AGAP1: variants seen among roughly 807,000 people sequenced by gnomAD.
The protein encoded by AGAP1 is ArfGAP with GTPase domain, ankyrin repeat and PH domain 1.
AGAP1 carries 29 observed loss-of-function variants against 105.3 expected under a neutral mutation model. That is an observed-to-expected ratio of 0.28 (90% CI 0.21 to 0.38). The LOEUF (loss-of-function observed/expected upper bound fraction) is 0.38, where lower values mean the gene tolerates loss of function less well. AGAP1 is among the 10% of genes least tolerant of loss of function. The pLI is 1.00. For missense variants in AGAP1, 998 were observed against 1,165.1 expected (o/e 0.86, Z 2.09); for synonymous variants, 509 against 485.9 (o/e 1.05, Z -0.63).
At chr2:235,857,603 C>T (rs759372342) in intron 9 of AGAP1, among the ~76,000 whole-genome samples, 1 of 152,166 alleles carries the variant, frequency 6.6e-6, no homozygotes, top group Non-Finnish European at 1.5e-5. Context: ...GGATGCATTG[C>T]ATGTCACATG....
rs542428153 is a variant in AGAP1 at position 235,824,001 on chromosome 2, A to G, written c.1050+16670A>G. Reference sequence around the variant, plus strand: ...AGAGGCAAAGATAAGATTCAAACCCAGGTCTGCCTATCCTAAAACCAGTGG... The same window carrying G: ...AGAGGCAAAGATAAGATTCAAACCCGGGTCTGCCTATCCTAAAACCAGTGG... On this transcript the variant is annotated intron_variant, in intron 9 of 17. Coordinates refer to ENST00000304032, the MANE Select transcript of AGAP1 (RefSeq NM_001037131.3). This position sits in a 1 kb window ranked among gnomAD's most constrained non-coding sequence, Gnocchi z 5.2. 6.6e-6 allele frequency among the ~76,000 whole-genome samples: 1 copy of G among 152,358 alleles called. No individual in the cohort carries two copies. The highest frequency in any genetic ancestry group is 1.5e-5 in the Non-Finnish European group (1 of 68,022).
intron 6 of AGAP1, among the ~76,000 whole-genome samples, chr2:235,773,381 A>G (rs1269038896): frequency 6.6e-6 from 1 of 152,216 alleles, no homozygotes; most frequent in African/African-American, 2.4e-5. Context: ...AAAGCAACCA[A>G]TCAAAGGCTG....
chr2:236,058,987 AC>A lies in AGAP1; in HGVS notation c.2114+9708del, dbSNP rs948955287. 3.3e-5 allele frequency among the ~76,000 whole-genome samples: 5 copies of A among 152,058 alleles called. No homozygotes were observed. Among genetic ancestry groups the A allele is most frequent in the African/African-American group, 1.2e-4 (5 of 41,386 alleles). On this transcript the variant is annotated intron_variant, in intron 16 of 17. Transcript: ENST00000304032. This position sits in a 1 kb window ranked among gnomAD's most constrained non-coding sequence, Gnocchi z 4.6. The stretch of plus-strand genomic sequence containing the variant: ...CAAGGCTGCAGTGGGCCACAATCGC[AC>A]CACCACTTTCCAGCCTGGGGAACAG...
intron 9 of AGAP1, among the ~76,000 whole-genome samples, chr2:235,857,172 A>G (rs1381729550): frequency 1.3e-5 from 2 of 152,182 alleles, no homozygotes; most frequent in African/African-American, 2.4e-5. Flanking sequence ...AGTGAGCATT[A>G]CTGCCTGAGC....
chr2:235,651,617 G>T (rs1947597984), intron 1 of AGAP1, among the ~76,000 whole-genome samples: 1 of 152,162 alleles, frequency 6.6e-6, no homozygotes, highest in Admixed American at 6.5e-5. Context: ...GTCATGTTGT[G>T]GCTGTTGGCA....
At chr2:235,661,307 C>T (rs982799845) in intron 1 of AGAP1, among the ~76,000 whole-genome samples, 1 of 151,940 alleles carries the variant, frequency 6.6e-6, no homozygotes, top group Non-Finnish European at 1.5e-5. Context: ...TTAAGTGGGA[C>T]GTAATCGAGT....
chr2:235,917,772 C>G (rs1327297992), intron 11 of AGAP1, among the ~76,000 whole-genome samples: 1 of 152,176 alleles, frequency 6.6e-6, no homozygotes, highest in Non-Finnish European at 1.5e-5. Flanking sequence ...CTTTGAGTGA[C>G]AGACGCACAG....
rs1157443802 is a variant in AGAP1, at chr2:235,843,477, AC to A, written c.1050+36148del. Among the ~76,000 whole-genome samples the A allele has an allele frequency of 6.6e-6, 1 of 151,958 alleles. No individual in the cohort carries two copies. The highest frequency in any genetic ancestry group is 6.6e-5 in the Admixed American group (1 of 15,264). ...TTTTCTGGGGCCAGGGAGCAATGTTACCATTTCCAGAAAAGCAGTCCAGCTC... is the reference window on the plus strand; with the variant it reads ...TTTTCTGGGGCCAGGGAGCAATGTTACATTTCCAGAAAAGCAGTCCAGCTC... On this transcript the variant is annotated intron_variant, in intron 9 of 17. Coordinates refer to ENST00000304032, the MANE Select transcript of AGAP1 (RefSeq NM_001037131.3). This position sits in a 1 kb window ranked among gnomAD's most constrained non-coding sequence, Gnocchi z 5.9.
chr2:235,702,270 C>T (rs1950293445), intron 1 of AGAP1, among the ~76,000 whole-genome samples: 1 of 152,148 alleles, frequency 6.6e-6, no homozygotes, highest in Non-Finnish European at 1.5e-5. Flanking sequence ...GGGGAATGAG[C>T]CCACCTGCCA....
intron 1 of AGAP1, among the ~76,000 whole-genome samples, chr2:235,547,050 T>G (rs892838629): frequency 6.6e-6 from 1 of 152,162 alleles, no homozygotes; most frequent in Non-Finnish European, 1.5e-5. Context: ...TGGGAGCCTT[T>G]GACTGTTGAA....
chr2:236,007,532 A>G (rs1490352443), intron 13 of AGAP1, among the ~76,000 whole-genome samples: 2 of 152,140 alleles, frequency 1.3e-5, no homozygotes, highest in Non-Finnish European at 2.9e-5. Flanking sequence ...ACATAATTAT[A>G]CCTCTGATTA....
In AGAP1 at chr2:235,962,030, G is replaced by A. The variant is rs2054210173; in HGVS notation, c.1484-6432G>A. Among the ~76,000 whole-genome samples, 3 of 151,860 alleles carry A rather than the reference G, an allele frequency of 2.0e-5. No individual in the cohort carries two copies. The highest frequency in any genetic ancestry group is 4.4e-5 in the Non-Finnish European group (3 of 68,020). On this transcript the variant is annotated intron_variant, in intron 12 of 17. Coordinates refer to ENST00000304032, the MANE Select transcript of AGAP1 (RefSeq NM_001037131.3). The surrounding 1 kb of genome is among the most constrained non-coding windows in gnomAD (Gnocchi z 5.3). Reference sequence around the variant, plus strand: ...GGGTGGAGGGTGTCCTCTTCTGATGGATGCTTTTGGTTTTTGGTTTTGTTT... The same window carrying A: ...GGGTGGAGGGTGTCCTCTTCTGATGAATGCTTTTGGTTTTTGGTTTTGTTT...
intron 1 of AGAP1, among the ~76,000 whole-genome samples, chr2:235,688,503 C>T (rs1355513868): frequency 6.6e-6 from 1 of 152,168 alleles, no homozygotes; most frequent in Admixed American, 6.6e-5. Context: ...TCTTGGGGTA[C>T]TTTAGTATGC....
rs1438531769 is a variant in AGAP1, at chr2:236,131,086, T to G, written c.*6964T>G. On this transcript the variant is annotated 3_prime_UTR_variant, in exon 18 of 18. Coordinates refer to ENST00000304032, the MANE Select transcript of AGAP1 (RefSeq NM_001037131.3). This position sits in a 1 kb window ranked among gnomAD's most constrained non-coding sequence, Gnocchi z 5.9. ...GCACTGTAACGTTAGAAATAATTCC[T>G]TCTTGCAGACTTGAAAAGCATCAGT... 2 of 152,270 alleles carry G rather than the reference T, an allele frequency of 1.3e-5. No individual in the cohort carries two copies. The highest frequency in any genetic ancestry group is 1.3e-4 in the Admixed American group (2 of 15,286). 9.4% of individuals were successfully genotyped at this position (152,270 alleles called of 1,614,324 possible).
Position 235,586,557 on chromosome 2 carries a change from G to A in AGAP1, c.163+91708G>A, listed in dbSNP as rs555555408. ...GCAGAGGCTGACTCCAGAGGATGCT[G>A]TGCACAGGCCTGTGTGACCTGAAGG... On this transcript the variant is annotated intron_variant, in intron 1 of 17. Coordinates refer to ENST00000304032, the MANE Select transcript of AGAP1 (RefSeq NM_001037131.3). This position sits in a 1 kb window ranked among gnomAD's most constrained non-coding sequence, Gnocchi z 4.2. 1.3e-5 allele frequency among the ~76,000 whole-genome samples: 2 copies of A among 152,344 alleles called. No individual in the cohort carries two copies. The highest frequency in any genetic ancestry group is 3.9e-4 in the East Asian group (2 of 5,184).
intron 15 of AGAP1, among the ~76,000 whole-genome samples, chr2:236,048,322 C>T (rs561246606): frequency 3.0e-4 from 46 of 152,294 alleles, no homozygotes; most frequent in African/African-American, 1.1e-3. Flanking sequence ...TGTCTGAATC[C>T]ATTTCTTGTC....
rs1047720052 is a variant in AGAP1 at position 235,993,818 on chromosome 2, A to G, written c.1645+25195A>G. Among the ~76,000 whole-genome samples, 1 of 152,126 alleles carries G rather than the reference A, an allele frequency of 6.6e-6. No homozygotes were observed. The highest frequency in any genetic ancestry group is 2.4e-5 in the African/African-American group (1 of 41,420). On this transcript the variant is annotated intron_variant, in intron 13 of 17. Transcript: ENST00000304032. This position sits in a 1 kb window ranked among gnomAD's most constrained non-coding sequence, Gnocchi z 5.0. ...TCCTGGGGAGCACAGGTGTGTCCTC[A>G]CGTGCGCTTGGAGAAAGTGGAGTTT...
In AGAP1 at chr2:236,002,803, A is replaced by G. The variant is rs960960363; in HGVS notation, c.1646-33758A>G. On this transcript the variant is annotated intron_variant, in intron 13 of 17. Transcript: ENST00000304032. This position sits in a 1 kb window ranked among gnomAD's most constrained non-coding sequence, Gnocchi z 4.3. ...TTATTAGATTTCTATAAATATAAAT[A>G]TTTATATGATATTTCTTGCGTTGAA... is the stretch of plus-strand genomic sequence containing the variant. Among the ~76,000 whole-genome samples the G allele has an allele frequency of 6.6e-6, 1 of 152,134 alleles. No homozygotes were observed. The highest frequency in any genetic ancestry group is 1.5e-5 in the Non-Finnish European group (1 of 68,040).
intron 10 of AGAP1, among the ~76,000 whole-genome samples, chr2:235,907,572 C>T (rs568097977): frequency 1.6e-4 from 25 of 152,310 alleles, no homozygotes; most frequent in African/African-American, 5.1e-4. Context: ...TATTTATTCC[C>T]ACTTCCTGCA....
Sources: gnomAD v4.1 joint callset for allele counts (sites outside exome capture counted in the v4.1 genomes callset) on GRCh38, gnomAD v4.1.1 for gene constraint, Gnocchi (gnomAD v3.1) non-coding constraint, MANE v1.5 for transcripts, NCBI Gene and HGNC (gene_info 2026-07-23, HGNC 2026-07-21) for gene names.